Variants in GPR141 observed in about 807,000 individuals in gnomAD.
GPR141 encodes probable G protein-coupled receptor 141.
GPR141 carries 6 observed loss-of-function variants against 6.8 expected under a neutral mutation model. That is an observed-to-expected ratio of 0.88 (90% CI 0.48 to 1.74). GPR141 has a LOEUF of 1.74. Among genes scored for constraint, GPR141 ranks in the 40% most tolerant of loss-of-function variants. GPR141 has a pLI of 0.01. For missense variants in GPR141, 372 were observed against 372.9 expected (o/e 1.00, Z 0.02); for synonymous variants, 140 against 142.3 (o/e 0.98, Z 0.11).
intron 2 of GPR141, among the ~76,000 whole-genome samples, chr7:37,717,701 T>C (rs1468816556): frequency 2.0e-5 from 3 of 152,232 alleles, no homozygotes; most frequent in African/African-American, 7.2e-5. Context: ...ACAACAATGC[T>C]CTGATGCACT....
At chr7:37,689,501 C>T (rs1203614356) in intron 2 of GPR141, among the ~76,000 whole-genome samples, 1 of 152,058 alleles carries the variant, frequency 6.6e-6, no homozygotes, top group Non-Finnish European at 1.5e-5. Flanking sequence ...TAGGGTTCAG[C>T]AGCAAAGTCA....
intron 2 of GPR141, among the ~76,000 whole-genome samples, chr7:37,698,842 T>C (rs910536628): frequency 5.9e-5 from 9 of 152,192 alleles, no homozygotes; most frequent in African/African-American, 2.2e-4. Context: ...TATATTTGAA[T>C]TGTGAAAGGT....
At chr7:37,734,122 A>G (rs1374672674) in intron 2 of GPR141, among the ~76,000 whole-genome samples, 3 of 151,692 alleles carry the variant, frequency 2.0e-5, no homozygotes, top group Non-Finnish European at 4.4e-5. Flanking sequence ...GCAGTGAACC[A>G]TGATGATGCC....
intron 2 of GPR141, among the ~76,000 whole-genome samples, chr7:37,708,073 G>A (rs983953234): frequency 2.0e-5 from 3 of 152,096 alleles, no homozygotes; most frequent in Admixed American, 6.6e-5. Context: ...CTCTAAGCTA[G>A]TATGTGACCT....
At chr7:37,693,897 A>G (rs1352984877) in intron 2 of GPR141, among the ~76,000 whole-genome samples, 2 of 152,188 alleles carry the variant, frequency 1.3e-5, no homozygotes, top group African/African-American at 2.4e-5. Context: ...GCAGCTTCTT[A>G]GCTTGAAGTC....
chr7:37,698,473 A>G (rs1810126883), intron 2 of GPR141, among the ~76,000 whole-genome samples: 1 of 152,182 alleles, frequency 6.6e-6, no homozygotes, highest in South Asian at 2.1e-4. Context: ...GAGGGGAAAC[A>G]CACGCCATGG....
intron 2 of GPR141, among the ~76,000 whole-genome samples, chr7:37,686,935 T>C (rs935616406): frequency 6.6e-6 from 1 of 152,166 alleles, no homozygotes; most frequent in African/African-American, 2.4e-5. Context: ...ATTTTGTTAA[T>C]GAAAAGCATT....
At chr7:37,695,549 A>G (rs549354659) in intron 2 of GPR141, among the ~76,000 whole-genome samples, 2 of 152,252 alleles carry the variant, frequency 1.3e-5, no homozygotes, top group South Asian at 4.1e-4. Flanking sequence ...CTCCCAGCTG[A>G]TCCTGGGTGG....
At chr7:37,718,644 C>G (rs955482638) in intron 2 of GPR141, among the ~76,000 whole-genome samples, 1 of 152,158 alleles carries the variant, frequency 6.6e-6, no homozygotes, top group Non-Finnish European at 1.5e-5. Context: ...TGATTTAAGA[C>G]AAATTGAGCT....
rs1812328660 is a variant in GPR141 at position 37,737,960 on chromosome 7, C to G, written c.-14-2420C>G. Among the ~76,000 whole-genome samples, 3 of 152,170 alleles carry G rather than the reference C, an allele frequency of 2.0e-5. No homozygotes were observed. In the South Asian group the frequency reaches 6.2e-4, roughly 32 times the overall value. On this transcript the variant is annotated intron_variant, in intron 2 of 2. Coordinates refer to ENST00000334425, the MANE Select transcript of GPR141 (RefSeq NM_001381946.1). ...CCTTTCAAGATATGTTGGCATACAGCCATGTGAGTAGAACCAAATTTCTTC... is the reference window on the plus strand; with the variant it reads ...CCTTTCAAGATATGTTGGCATACAGGCATGTGAGTAGAACCAAATTTCTTC...
intron 2 of GPR141, among the ~76,000 whole-genome samples, chr7:37,710,655 AAATAAATGGT>A (rs1416185435): frequency 6.6e-6 from 1 of 152,142 alleles, no homozygotes; most frequent in Non-Finnish European, 1.5e-5. Flanking sequence ...TAATAAGTAT[AAATAAATGGT>A]ACTTTTAGTG....
At chr7:37,702,406 G>A (rs1321675764) in intron 2 of GPR141, among the ~76,000 whole-genome samples, 3 of 145,756 alleles carry the variant, frequency 2.1e-5, no homozygotes, top group Admixed American at 6.9e-5. Context: ...TTTTAATCAA[G>A]TAAACTTTTT....
rs140802978 is a variant in GPR141 at position 37,689,213 on chromosome 7, A to G, written c.-15+3630A>G. On this transcript the variant is annotated intron_variant, in intron 2 of 2. Coordinates refer to ENST00000334425, the MANE Select transcript of GPR141 (RefSeq NM_001381946.1). ...AGATTTGTCGATTTGCATATGTCAA[A>G]CTATCCTTCTATCCTTAGGATAAAT... 7.8e-4 allele frequency among the ~76,000 whole-genome samples: 118 copies of G among 152,256 alleles called. 1 individual carries two copies. Among genetic ancestry groups the G allele is most frequent in the Non-Finnish European group, 1.5e-3 (105 of 68,030 alleles).
intron 2 of GPR141, among the ~76,000 whole-genome samples, chr7:37,710,090 C>T (rs1280539936): frequency 6.6e-6 from 1 of 152,116 alleles, no homozygotes; most frequent in African/African-American, 2.4e-5. Context: ...GGAGGATGCC[C>T]CACAGGCAAC....
intron 2 of GPR141, among the ~76,000 whole-genome samples, chr7:37,688,589 A>C (rs935204066): frequency 6.6e-6 from 1 of 152,168 alleles, no homozygotes; most frequent in African/African-American, 2.4e-5. Context: ...TGCTACTGAG[A>C]CGCACTCATC....
chr7:37,684,342 G>C (rs1329677493), intron 1 of GPR141, among the ~76,000 whole-genome samples: 1 of 152,080 alleles, frequency 6.6e-6, no homozygotes, highest in Non-Finnish European at 1.5e-5. Flanking sequence ...GGCAGCCCTA[G>C]TCAATAGAAG....
rs1035796403 is a variant in GPR141 at position 37,697,742 on chromosome 7, T to C, written c.-15+12159T>C. Among the ~76,000 whole-genome samples the C allele has an allele frequency of 2.0e-4, 30 of 152,366 alleles. 1 individual carries two copies. Among genetic ancestry groups the C allele is most frequent in the African/African-American group, 7.0e-4 (29 of 41,594 alleles). ...AAAGTGGGTTTGTTTCAGAATCACCTGAACCACTTATCAGCACCAGTCTCT... is the reference window on the plus strand; with the variant it reads ...AAAGTGGGTTTGTTTCAGAATCACCCGAACCACTTATCAGCACCAGTCTCT... On this transcript the variant is annotated intron_variant, in intron 2 of 2. Transcript: ENST00000334425.
At chr7:37,740,067 T>C (rs947996072) in intron 2 of GPR141, among the ~76,000 whole-genome samples, 1 of 152,212 alleles carries the variant, frequency 6.6e-6, no homozygotes, top group Non-Finnish European at 1.5e-5. Context: ...AGTATCCAAG[T>C]ACTAGCTCCA....
At chr7:37,722,815 A>G (rs1388364354) in intron 2 of GPR141, among the ~76,000 whole-genome samples, 1 of 152,134 alleles carries the variant, frequency 6.6e-6, no homozygotes, top group African/African-American at 2.4e-5. Context: ...TTGAGGTGCA[A>G]TATTATCACT....
Sources: allele counts gnomAD v4.1 joint callset (sites outside exome capture counted in the v4.1 genomes callset), GRCh38; gene constraint gnomAD v4.1.1; transcripts MANE v1.5; gene names NCBI Gene and HGNC (gene_info 2026-07-23, HGNC 2026-07-21).